THSD7B: variants seen among roughly 807,000 people sequenced by gnomAD.
The protein encoded by THSD7B is thrombospondin type-1 domain-containing protein 7B.
A neutral mutation model predicts 213.6 loss-of-function variants in THSD7B; 138 were observed. That is an observed-to-expected ratio of 0.65 (90% confidence interval 0.56 to 0.74). THSD7B has a LOEUF of 0.74. Among genes scored for constraint, THSD7B ranks in the 30% least tolerant of loss-of-function variants. The pLI, the probability that THSD7B is intolerant of heterozygous loss-of-function variation, is 0.00. For synonymous variants in THSD7B, 742 were observed against 687.0 expected (o/e 1.08, Z -1.25); for missense variants, 1,931 against 1,991.5 (o/e 0.97, Z 0.58).
At chr2:137,456,026 A>G (rs1283431674) in intron 15 of THSD7B, among the ~76,000 whole-genome samples, 2 of 152,326 alleles carry the variant, frequency 1.3e-5, no homozygotes, top group East Asian at 3.9e-4. Flanking sequence ...TTGTATCAAG[A>G]TTAATTACCT....
intron 27 of THSD7B, among the ~76,000 whole-genome samples, chr2:137,670,729 A>G (rs552232284): frequency 2.7e-4 from 41 of 152,002 alleles, no homozygotes; most frequent in Non-Finnish European, 4.9e-4. Context: ...AGACCATCCT[A>G]TCTAACACAG....
chr2:137,118,148 CTTG>C (rs1448567943), intron 5 of THSD7B, among the ~76,000 whole-genome samples: 3 of 152,158 alleles, frequency 2.0e-5, no homozygotes, highest in Admixed American at 1.3e-4. Context: ...TTGCTTAACA[CTTG>C]TTGTTTTAAA....
chr2:137,022,337 A>C (rs997142859), intron 2 of THSD7B, among the ~76,000 whole-genome samples: 1 of 152,150 alleles, frequency 6.6e-6, no homozygotes, highest in Non-Finnish European at 1.5e-5. Flanking sequence ...CTGCATCTTT[A>C]CAAGCATTTA....
intron 1 of THSD7B, among the ~76,000 whole-genome samples, chr2:136,787,356 T>A (rs530586730): frequency 7.5e-4 from 114 of 152,304 alleles, no homozygotes; most frequent in African/African-American, 2.6e-3. Context: ...CCCTCTCTTT[T>A]TTAGCTCTCT....
At chr2:137,176,874 C>G (rs1204867554) in intron 7 of THSD7B, among the ~76,000 whole-genome samples, 1 of 152,180 alleles carries the variant, frequency 6.6e-6, no homozygotes, top group East Asian at 1.9e-4. Flanking sequence ...TGCCTCACTT[C>G]CCCACTTTGT....
intron 20 of THSD7B, among the ~76,000 whole-genome samples, chr2:137,640,161 G>T (rs1682912896): frequency 6.6e-6 from 1 of 152,108 alleles, no homozygotes; most frequent in Non-Finnish European, 1.5e-5. Flanking sequence ...CCAGGGGGAG[G>T]TAACTGAATC....
intron 15 of THSD7B, among the ~76,000 whole-genome samples, chr2:137,455,869 G>A (rs974241601): frequency 2.6e-5 from 4 of 152,126 alleles, no homozygotes; most frequent in South Asian, 4.1e-4. Flanking sequence ...CCTAATAGAA[G>A]ATTAAATATG....
At position 137,406,369 on chromosome 2, in the gene THSD7B, T is replaced by A. The variant is rs375408859; in HGVS notation, c.2695+562T>A. Among the ~76,000 whole-genome samples, 120 of 152,338 alleles carry A rather than the reference T, an allele frequency of 7.9e-4. 3 individuals are homozygous for A. In the South Asian group the frequency reaches 0.024, roughly 30 times the overall value. On this transcript the variant is annotated intron_variant, in intron 13 of 27. Transcript: ENST00000409968. ...TAATGGGAATTAAAGCAACTAATTG[T>A]TTAATTGAATTCCTGGGGCAATTTT...
chr2:136,912,742 T>C (rs538816084), intron 2 of THSD7B, among the ~76,000 whole-genome samples: 32 of 152,326 alleles, frequency 2.1e-4, no homozygotes, highest in Admixed American at 1.9e-3. Context: ...CTTCCTCATT[T>C]TCTCTTGGTG....
chr2:137,011,979 A>G (rs1686238330), intron 2 of THSD7B, among the ~76,000 whole-genome samples: 1 of 152,182 alleles, frequency 6.6e-6, no homozygotes, highest in Non-Finnish European at 1.5e-5. Flanking sequence ...TAGACCACAT[A>G]AAAAATACGT....
intron 4 of THSD7B, among the ~76,000 whole-genome samples, chr2:137,113,737 A>G (rs181190895): frequency 6.6e-6 from 1 of 152,300 alleles, no homozygotes; most frequent in East Asian, 1.9e-4. Context: ...GTGCCCGGCC[A>G]GAAATATATT....
At chr2:137,289,520 G>A (rs1329601521) in intron 12 of THSD7B, among the ~76,000 whole-genome samples, 2 of 152,086 alleles carry the variant, frequency 1.3e-5, no homozygotes, top group African/African-American at 4.8e-5. Flanking sequence ...AAATATGTGT[G>A]TGATATTGTC....
intron 12 of THSD7B, among the ~76,000 whole-genome samples, chr2:137,316,225 A>G (rs17738873): frequency 0.15 from 22,459 of 152,254 alleles, 1,933 homozygotes; most frequent in Non-Finnish European, 0.19. Flanking sequence ...CACAACCGAT[A>G]CCTTCAAAAT....
At chr2:137,249,086 G>A (rs907557455) in intron 10 of THSD7B, among the ~76,000 whole-genome samples, 6 of 152,002 alleles carry the variant, frequency 3.9e-5, no homozygotes, top group African/African-American at 1.2e-4. Flanking sequence ...TAGGAGGAAC[G>A]ACAAACACTT....
chr2:136,858,058 T>C (rs1302322015), intron 1 of THSD7B, among the ~76,000 whole-genome samples: 1 of 152,230 alleles, frequency 6.6e-6, no homozygotes, highest in Non-Finnish European at 1.5e-5. Context: ...AACCAAACTC[T>C]TTATTTTGGA....
chr2:137,218,992 A>G (rs1259570448), intron 7 of THSD7B, among the ~76,000 whole-genome samples: 2 of 148,476 alleles, frequency 1.3e-5, no homozygotes, highest in African/African-American at 5.0e-5. Context: ...GAAAAAAAAA[A>G]TAGAAAATTG....
At chr2:136,910,384 T>G (rs1684237293) in intron 2 of THSD7B, among the ~76,000 whole-genome samples, 1 of 152,130 alleles carries the variant, frequency 6.6e-6, no homozygotes, top group Non-Finnish European at 1.5e-5. Context: ...TCACTCACAT[T>G]TGGGATTAGT....
chr2:137,072,600 T>C (rs1687519891), intron 3 of THSD7B, among the ~76,000 whole-genome samples: 2 of 152,156 alleles, frequency 1.3e-5, no homozygotes, highest in African/African-American at 4.8e-5. Context: ...TTTATTTCCT[T>C]CTCCTGCCTA....
intron 10 of THSD7B, among the ~76,000 whole-genome samples, chr2:137,271,907 T>A (rs759605426): frequency 6.6e-5 from 10 of 152,154 alleles, no homozygotes; most frequent in African/African-American, 9.7e-5. Context: ...AGTTGTTTTT[T>A]AATTGATGTT....
Sources: gnomAD v4.1 joint callset for allele counts (sites outside exome capture counted in the v4.1 genomes callset) on GRCh38, gnomAD v4.1.1 for gene constraint, MANE v1.5 for transcripts, NCBI Gene and HGNC (gene_info 2026-07-23, HGNC 2026-07-21) for gene names.